Variants in CSMD3 observed in about 807,000 individuals in gnomAD.
CSMD3 encodes CUB and sushi domain-containing protein 3.
In CSMD3, 177 loss-of-function variants were observed where a neutral mutation model predicts 435.2. That is an observed-to-expected ratio of 0.41 (90% CI 0.36 to 0.46). The LOEUF (loss-of-function observed/expected upper bound fraction) is 0.46. Ranked by LOEUF, CSMD3 falls within the 20% of genes least tolerant of loss-of-function variation. The pLI, the probability that CSMD3 is intolerant of heterozygous loss-of-function variation, is 0.34. For missense variants in CSMD3, 4,265 were observed against 4,504.6 expected (o/e 0.95, Z 1.52); for synonymous variants, 1,656 against 1,520.5 (o/e 1.09, Z -2.07).
At chr8:113,404,595 T>C (rs1408286182) in intron 1 of CSMD3, among the ~76,000 whole-genome samples, 2 of 151,394 alleles carry the variant, frequency 1.3e-5, no homozygotes, top group Non-Finnish European at 3.0e-5. Context: ...GAAACCCTGA[T>C]ATTGTCTGAG....
In CSMD3 at chr8:112,295,848, G is replaced by C. The variant is rs1398737457; in HGVS notation, c.8599C>G (p.Leu2867Val). 6.2e-7 allele frequency: 1 copy of C among 1,613,866 alleles called. No homozygotes were observed. Among genetic ancestry groups the C allele is most frequent in the South Asian group, 1.1e-5 (1 of 91,052 alleles). ...GCTTACTTACGCACACAGGATGGGA[G>C]CTGACCAGACCAATTGTGATCCTGT... is the stretch of plus-strand genomic sequence containing the variant. The part of the protein sequence containing the change: ...CQQDHNWSGQ[L>V]PSCVPVSCGH... The change falls in exon 54 of 71, where the codon CTC becomes GTC. Residue 2867 changes from leucine to valine, a missense_variant. This residue lies in a region of CSMD3 where 3,255 missense variants were observed against 3,380.2 expected (regional missense o/e 0.96). Transcript: ENST00000297405.
rs144337912 is a variant in CSMD3, at chr8:112,228,890, T to G, written c.10830A>C (p.Gly3610=). The change falls in exon 70 of 71, where the codon GGA becomes GGC. Residue 3610 remains glycine, a splice_region_variant and synonymous_variant. Coordinates refer to ENST00000297405, the MANE Select transcript of CSMD3 (RefSeq NM_198123.2). ...AATTTGAACCTTCTGACATATTCAG[T>G]CCTACAAAATAAAAAATAAATTATA... ...DYGQFGLQRL[G]LNMSEGSNSS... is the part of the protein sequence containing the mutation. 2 of 1,466,210 alleles carry G rather than the reference T, an allele frequency of 1.4e-6. No homozygotes were observed. Among genetic ancestry groups the G allele is most frequent in the African/African-American group, 1.4e-5 (1 of 70,864 alleles). 90.8% of individuals were successfully genotyped at this position (1,466,210 alleles called of 1,614,324 possible). A position where few individuals can be genotyped will look rare whatever the true frequency, so the allele number is the denominator to read the frequency against.
chr8:112,907,014 AC>A (rs1397689951), intron 10 of CSMD3, among the ~76,000 whole-genome samples: 2 of 151,610 alleles, frequency 1.3e-5, no homozygotes, highest in Admixed American at 6.6e-5. Flanking sequence ...ATACTTACCT[AC>A]CAAATAGTTA....
chr8:112,569,711 C>A lies in CSMD3; in HGVS notation c.4042+3790G>T, dbSNP rs147039573. On this transcript the variant is annotated intron_variant, in intron 24 of 70. Coordinates refer to ENST00000297405, the MANE Select transcript of CSMD3 (RefSeq NM_198123.2). ...TGGCCAAAAACAGCCTGCTTGTTCTCCCACTAGAAATTGTGAGAAGCATCA... is the reference window on the plus strand; with the variant it reads ...TGGCCAAAAACAGCCTGCTTGTTCTACCACTAGAAATTGTGAGAAGCATCA... Among the ~76,000 whole-genome samples the A allele has an allele frequency of 3.9e-4, 59 of 152,196 alleles. No homozygotes were observed. The East Asian group carries it at 0.01, about 26-fold the overall frequency.
intron 3 of CSMD3, among the ~76,000 whole-genome samples, chr8:113,272,877 C>T (rs551758774): frequency 6.6e-6 from 1 of 151,878 alleles, no homozygotes; most frequent in African/African-American, 2.4e-5. Flanking sequence ...GAGGAATAAA[C>T]AGGGGTTGGT....
At position 113,246,167 on chromosome 8, in the gene CSMD3, T is replaced by C. The variant is rs1335010312; in HGVS notation, c.514+32425A>G. The stretch of plus-strand genomic sequence containing the variant: ...TTTCTTATTATTTCTATTTTTTTTA[T>C]CTTTTCTCTCTCCTCTTCTTCATCA... On this transcript the variant is annotated intron_variant, in intron 3 of 70. Coordinates refer to ENST00000297405, the MANE Select transcript of CSMD3 (RefSeq NM_198123.2). 2.0e-5 allele frequency among the ~76,000 whole-genome samples: 3 copies of C among 152,054 alleles called. No homozygotes were observed. In the East Asian group the frequency reaches 5.8e-4, roughly 29 times the overall value.
chr8:112,805,092 G>A (rs909571303), intron 12 of CSMD3, among the ~76,000 whole-genome samples: 1 of 152,082 alleles, frequency 6.6e-6, no homozygotes, highest in Non-Finnish European at 1.5e-5. Context: ...CACACAAATA[G>A]GGCCTCATAT....
chr8:112,226,311 C>T (rs16883269), intron 70 of CSMD3, among the ~76,000 whole-genome samples: 2,300 of 152,112 alleles, frequency 0.015, 65 homozygotes, highest in African/African-American at 0.053. Context: ...AACATCATTG[C>T]CTTCTAATTA....
chr8:112,259,825 A>G (rs1474979092), intron 61 of CSMD3, among the ~76,000 whole-genome samples: 1 of 152,206 alleles, frequency 6.6e-6, no homozygotes, highest in East Asian at 1.9e-4. Flanking sequence ...TTGAATTAAT[A>G]CATGCTTCCC....
chr8:113,291,641 T>C (rs1285332366), intron 2 of CSMD3, among the ~76,000 whole-genome samples: 2 of 151,844 alleles, frequency 1.3e-5, no homozygotes, highest in Non-Finnish European at 2.9e-5. Context: ...ACCATTGTCC[T>C]GGAAACCCAA....
chr8:113,047,967 A>G (rs138983526), intron 5 of CSMD3, among the ~76,000 whole-genome samples: 57 of 151,880 alleles, frequency 3.8e-4, no homozygotes, highest in Non-Finnish European at 7.2e-4. Context: ...TTTTATATGT[A>G]TGCTTACCTA....
chr8:113,288,696 T>C (rs1436230195), intron 2 of CSMD3, among the ~76,000 whole-genome samples: 2 of 151,856 alleles, frequency 1.3e-5, no homozygotes, highest in African/African-American at 4.8e-5. Flanking sequence ...ATTAGCATAT[T>C]TTTCTAAGGT....
In CSMD3 at chr8:112,599,569, C is replaced by T. The variant is rs200426809; in HGVS notation, c.3716-12334G>A. ...ATGCTGCTATAAAGACACATGCACACGTATGTTTATTGCGGCATTATTCAC... is the reference window on the plus strand; with the variant it reads ...ATGCTGCTATAAAGACACATGCACATGTATGTTTATTGCGGCATTATTCAC... On this transcript the variant is annotated intron_variant, in intron 22 of 70. Transcript: ENST00000297405. Among the ~76,000 whole-genome samples, 43 of 151,788 alleles carry T rather than the reference C, an allele frequency of 2.8e-4. 1 individual carries two copies. Among genetic ancestry groups the T allele is most frequent in the East Asian group, 1.8e-3 (9 of 5,132 alleles).
chr8:112,420,062 C>T (rs1203018943), intron 32 of CSMD3, among the ~76,000 whole-genome samples: 2 of 151,978 alleles, frequency 1.3e-5, no homozygotes, highest in African/African-American at 4.8e-5. Flanking sequence ...TTTTGTAGAA[C>T]ATGTCTGCCA....
At chr8:112,555,201 G>A (rs1034167455) in intron 25 of CSMD3, among the ~76,000 whole-genome samples, 3 of 151,848 alleles carry the variant, frequency 2.0e-5, no homozygotes, top group South Asian at 2.1e-4. Context: ...GATTTGCTGC[G>A]AACATAATTA....
chr8:112,932,336 G>T (rs1000289011), intron 9 of CSMD3, among the ~76,000 whole-genome samples: 2 of 152,210 alleles, frequency 1.3e-5, no homozygotes, highest in Admixed American at 1.3e-4. Flanking sequence ...TAAACCAGGC[G>T]CAGAAAGACA....
At chr8:113,254,014 T>C (rs894807732) in intron 3 of CSMD3, among the ~76,000 whole-genome samples, 1 of 152,158 alleles carries the variant, frequency 6.6e-6, no homozygotes, top group African/African-American at 2.4e-5. Context: ...AATTAGATAC[T>C]ATGTCTTTCC....
Position 112,859,258 on chromosome 8 carries a change from A to T in CSMD3, c.1642T>A (p.Cys548Ser), listed in dbSNP as rs2129861303. ...CTTGGTCCTTGAAGATTAGAGCCAC[A>T]CGTTTTCACTAAAAGAGAAATTGCA... is the stretch of plus-strand genomic sequence containing the variant. Reference protein sequence around the residue: ...DHRPVCKVKTCGSNLQGPSGT... With the variant: ...DHRPVCKVKTSGSNLQGPSGT... The change falls in exon 11 of 71, where the codon TGT becomes AGT. Residue 548 changes from cysteine to serine, a missense_variant. Transcript: ENST00000297405. The T allele has an allele frequency of 6.2e-7, 1 of 1,611,114 alleles. No individual in the cohort carries two copies. The highest frequency in any genetic ancestry group is 8.5e-7 in the Non-Finnish European group (1 of 1,177,718).
At chr8:112,559,615 A>G (rs187416283) in intron 24 of CSMD3, among the ~76,000 whole-genome samples, 2 of 151,920 alleles carry the variant, frequency 1.3e-5, no homozygotes, top group East Asian at 3.9e-4. Context: ...TGCATATTCA[A>G]AGTAAAGTTA....
Sources: gnomAD v4.1 joint callset for allele counts (sites outside exome capture counted in the v4.1 genomes callset) on GRCh38, gnomAD v4.1.1 for gene constraint, gnomAD v4.1.1 regional missense constraint, MANE v1.5 for transcripts, NCBI Gene and HGNC (gene_info 2026-07-23, HGNC 2026-07-21) for gene names.